The following DIAPH2 variants were observed in gnomAD, a reference collection of about 807,000 sequenced individuals.
DIAPH2 encodes the protein diaphanous related formin 2, also known as protein diaphanous homolog 2.
Under a neutral mutation model 92.7 loss-of-function variants are expected in DIAPH2, and 35 were observed. The observed-to-expected ratio is 0.38, with a 90% CI of 0.29 to 0.50. DIAPH2 has a LOEUF of 0.50. DIAPH2 is among the 20% of genes least tolerant of loss of function. The probability of loss-of-function intolerance (pLI) is 0.94; values close to 1 mark genes in which losing one functional copy is unlikely to be tolerated. For missense variants in DIAPH2, 701 were observed against 819.5 expected (o/e 0.86, Z 1.77); for synonymous variants, 301 against 280.4 (o/e 1.07, Z -0.73).
At chrX:96,996,322 G>T (rs1038096218) in intron 17 of DIAPH2, among the ~76,000 whole-genome samples, 1 of 112,073 alleles carries the variant, frequency 8.9e-6, no homozygotes. Flanking sequence ...ATTCATAAAA[G>T]TTATGTTAGT....
intron 26 of DIAPH2, among the ~76,000 whole-genome samples, chrX:97,439,004 G>T (rs189670432): frequency 5.9e-4 from 66 of 112,189 alleles, no homozygotes; most frequent in Admixed American, 1.1e-3. Context: ...AGCCTCCAAT[G>T]TAGAGTTTTA....
intron 4 of DIAPH2, among the ~76,000 whole-genome samples, chrX:96,792,756 G>C (rs895798309): frequency 3.6e-5 from 4 of 111,658 alleles, no homozygotes; most frequent in African/African-American, 1.3e-4. Context: ...GTATGCTGCA[G>C]TTAGTTTAAC....
intron 26 of DIAPH2, among the ~76,000 whole-genome samples, chrX:97,509,035 A>ATTTC (rs1433736233): frequency 2.9e-5 from 3 of 103,442 alleles, no homozygotes; most frequent in Non-Finnish European, 5.9e-5. Flanking sequence ...TTATTTATTT[A>ATTTC]TTTATTTATT....
At chrX:97,027,843 G>A (rs1430378148) in intron 17 of DIAPH2, among the ~76,000 whole-genome samples, 1 of 112,185 alleles carries the variant, frequency 8.9e-6, no homozygotes. Flanking sequence ...AACACGCTGA[G>A]GCGCTTGTAA....
intron 22 of DIAPH2, among the ~76,000 whole-genome samples, chrX:97,194,450 TTC>T (rs762219670): frequency 8.2e-5 from 9 of 109,668 alleles, no homozygotes; most frequent in Non-Finnish European, 1.3e-4. Context: ...CCCGGCTAAT[TTC>T]TTTTTGTATT....
intron 23 of DIAPH2, among the ~76,000 whole-genome samples, chrX:97,328,949 T>TA (rs1314067688): frequency 1.8e-5 from 2 of 112,044 alleles, no homozygotes; most frequent in Non-Finnish European, 3.8e-5. Context: ...TATGTAAACA[T>TA]ACTCTGTTTA....
chrX:97,031,351 A>AGG (rs374125801), intron 17 of DIAPH2, among the ~76,000 whole-genome samples: 2 of 12,588 alleles, frequency 1.6e-4, no homozygotes, highest in Non-Finnish European at 2.0e-4. Context: ...ATGGGGCGGG[A>AGG]GGGGGGGGGA....
chrX:97,539,533 A>G (rs1167194122), intron 26 of DIAPH2, among the ~76,000 whole-genome samples: 2 of 112,237 alleles, frequency 1.8e-5, no homozygotes, highest in African/African-American at 6.5e-5. Flanking sequence ...AAAGCAGAAT[A>G]ATTTAGTTTT....
chrX:96,790,722 T>A (rs1167987422), intron 4 of DIAPH2, among the ~76,000 whole-genome samples: 1 of 111,084 alleles, frequency 9.0e-6, no homozygotes, highest in African/African-American at 3.3e-5. Context: ...GTTTTGAAAA[T>A]TTAAAAAAAA....
chrX:97,093,442 C>T (rs1323794902), intron 19 of DIAPH2, among the ~76,000 whole-genome samples: 2 of 111,351 alleles, frequency 1.8e-5, no homozygotes, highest in African/African-American at 6.5e-5. Flanking sequence ...GGTACCCACC[C>T]GCGTCTGCCT....
chrX:96,909,917 CTAA>C (rs1221227202), intron 5 of DIAPH2, among the ~76,000 whole-genome samples: 3 of 110,449 alleles, frequency 2.7e-5, no homozygotes, highest in Non-Finnish European at 5.7e-5. Context: ...AGAAATAACC[CTAA>C]TAATTTTAAT....
At chrX:97,226,257 A>G (rs1362700170) in intron 22 of DIAPH2, among the ~76,000 whole-genome samples, 1 of 112,411 alleles carries the variant, frequency 8.9e-6, no homozygotes, top group Non-Finnish European at 1.9e-5. Flanking sequence ...GATTGTAAAA[A>G]ATAAATACGG....
intron 22 of DIAPH2, among the ~76,000 whole-genome samples, chrX:97,227,680 C>CGT (rs1185634645): frequency 2.7e-5 from 3 of 111,701 alleles, no homozygotes; most frequent in African/African-American, 9.8e-5. Flanking sequence ...GTCAAAGTTG[C>CGT]ATAAGTCTTA....
intron 23 of DIAPH2, among the ~76,000 whole-genome samples, chrX:97,288,545 C>G (rs2068564178): frequency 9.1e-6 from 1 of 110,204 alleles, no homozygotes; most frequent in African/African-American, 3.3e-5. Flanking sequence ...AGTTCGAGAA[C>G]AGCCTGGCCA....
chrX:97,189,442 CCT>C (rs2067634406), intron 22 of DIAPH2, among the ~76,000 whole-genome samples: 4 of 87,644 alleles, frequency 4.6e-5, no homozygotes, highest in African/African-American at 1.6e-4. Flanking sequence ...CCCCCCCCTC[CCT>C]CCCTCCCACC....
intron 22 of DIAPH2, among the ~76,000 whole-genome samples, chrX:97,159,284 T>C (rs2067347328): frequency 8.9e-6 from 1 of 112,072 alleles, no homozygotes; most frequent in Non-Finnish European, 1.9e-5. Flanking sequence ...GTTAAATATG[T>C]AGTAAACATT....
At chrX:96,916,408 T>C in intron 7 of DIAPH2, 30 bp from the exon 8 acceptor site, 2 of 1,095,116 alleles carry the variant, frequency 1.8e-6, no homozygotes, top group Middle Eastern at 2.6e-4. Flanking sequence ...ATAGACATTC[T>C]GAATGAAGGT....
At chrX:97,122,059 C>T (rs990325512) in intron 21 of DIAPH2, among the ~76,000 whole-genome samples, 12 of 111,650 alleles carry the variant, frequency 1.1e-4, no homozygotes, top group African/African-American at 3.6e-4. Context: ...TTGTGTAGCA[C>T]CCTGCCTCTT....
chrX:97,185,921 A>G (rs1007440909), intron 22 of DIAPH2, among the ~76,000 whole-genome samples: 14 of 110,986 alleles, frequency 1.3e-4, no homozygotes, highest in African/African-American at 4.6e-4. Flanking sequence ...TATTGATGAC[A>G]GTTTTTTAGC....
Sources: allele counts gnomAD v4.1 joint callset (sites outside exome capture counted in the v4.1 genomes callset), GRCh38; gene constraint gnomAD v4.1.1; transcripts MANE v1.5; gene names NCBI Gene and HGNC (gene_info 2026-07-23, HGNC 2026-07-21).